Variants in MAPK4 observed in about 807,000 individuals in gnomAD.
MAPK4 encodes mitogen-activated protein kinase 4.
A neutral mutation model predicts 47.7 loss-of-function variants in MAPK4; 22 were observed. The ratio of observed to expected loss-of-function variants is 0.46; its 90% CI spans 0.33 to 0.66. The LOEUF is 0.66. Ranked by LOEUF, MAPK4 falls within the 30% of genes least tolerant of loss-of-function variation. The pLI is 0.02. For missense variants in MAPK4, 736 were observed against 831.7 expected, an observed-to-expected ratio of 0.88 and a Z score of 1.42; for synonymous variants, 390 against 365.7, an observed-to-expected ratio of 1.07 and a Z score of -0.76.
intron 1 of MAPK4, among the ~76,000 whole-genome samples, chr18:50,576,284 A>G (rs1975301): frequency 0.72 from 108,871 of 152,210 alleles, 39,053 homozygotes; most frequent in Middle Eastern, 0.79. Context: ...TGGTACATGT[A>G]CACCATGGAA....
At chr18:50,674,269 G>A (rs536183720) in intron 2 of MAPK4, among the ~76,000 whole-genome samples, 2 of 152,284 alleles carry the variant, frequency 1.3e-5, no homozygotes, top group East Asian at 1.9e-4. Context: ...GGTTTATATC[G>A]AAGAAGGATA....
Position 50,616,175 on chromosome 18 carries a change from G to C in MAPK4, c.-870-46914G>C, listed in dbSNP as rs539438764. ...AAGGGTCTGTGTAAATCTTCCTTTG[G>C]GGGGATAAAAGGGTGGGGCTTCTAA... On this transcript the variant is annotated intron_variant, in intron 1 of 5. Transcript: ENST00000400384. 9.1e-4 allele frequency among the ~76,000 whole-genome samples: 138 copies of C among 152,250 alleles called. 2 individuals carry two copies. The Middle Eastern group carries it at 0.01, about 11-fold the overall frequency.
At chr18:50,588,396 G>C (rs1221769947) in intron 1 of MAPK4, among the ~76,000 whole-genome samples, 1 of 152,178 alleles carries the variant, frequency 6.6e-6, no homozygotes, top group African/African-American at 2.4e-5. Flanking sequence ...ATCTTTCATA[G>C]AGACTGGCTT....
chr18:50,612,570 C>A (rs1421608482), intron 1 of MAPK4, among the ~76,000 whole-genome samples: 4 of 152,182 alleles, frequency 2.6e-5, no homozygotes, highest in Non-Finnish European at 5.9e-5. Context: ...GAGGGCTCAT[C>A]ATGGAAGGGA....
chr18:50,614,364 C>A (rs11082833), intron 1 of MAPK4, among the ~76,000 whole-genome samples: 1 of 151,672 alleles, frequency 6.6e-6, no homozygotes, highest in Non-Finnish European at 1.5e-5. Context: ...TAATGTTTTT[C>A]AAAAATTTTA....
intron 1 of MAPK4, among the ~76,000 whole-genome samples, chr18:50,595,532 C>T (rs893830461): frequency 3.3e-5 from 5 of 152,058 alleles, no homozygotes; most frequent in African/African-American, 2.4e-5. Flanking sequence ...TTGCCTTTGG[C>T]GAGGGTGGGT....
At chr18:50,684,813 T>G (rs1908781094) in intron 2 of MAPK4, among the ~76,000 whole-genome samples, 1 of 151,952 alleles carries the variant, frequency 6.6e-6, no homozygotes. Flanking sequence ...GGGAAGGCAC[T>G]GGGATGAATC....
chr18:50,627,661 C>T (rs1161563465), intron 1 of MAPK4, among the ~76,000 whole-genome samples: 1 of 152,222 alleles, frequency 6.6e-6, no homozygotes, highest in Admixed American at 6.5e-5. Flanking sequence ...AGGGCAGAGC[C>T]TATGTTACGA....
intron 2 of MAPK4, among the ~76,000 whole-genome samples, chr18:50,670,405 C>T (rs760908886): frequency 6.6e-6 from 1 of 152,166 alleles, no homozygotes; most frequent in East Asian, 1.9e-4. Context: ...CTTCTTTCTT[C>T]GTTCAAGATC....
chr18:50,640,702 G>T (rs2042933519), intron 1 of MAPK4, among the ~76,000 whole-genome samples: 1 of 152,166 alleles, frequency 6.6e-6, no homozygotes, highest in South Asian at 2.1e-4. Context: ...CTGACCTCAG[G>T]TGATCCACCC....
chr18:50,585,755 A>T (rs541810273), intron 1 of MAPK4, among the ~76,000 whole-genome samples: 1 of 152,318 alleles, frequency 6.6e-6, no homozygotes, highest in East Asian at 1.9e-4. Context: ...TAATTGACTT[A>T]CAGTTCCACA....
chr18:50,668,858 T>C (rs1011599844), intron 2 of MAPK4, among the ~76,000 whole-genome samples: 3 of 152,258 alleles, frequency 2.0e-5, no homozygotes, highest in Non-Finnish European at 4.4e-5. Flanking sequence ...TTTGACTCCA[T>C]GTCCACTGTT....
At chr18:50,684,494 C>T (rs989267338) in intron 2 of MAPK4, among the ~76,000 whole-genome samples, 50 of 150,912 alleles carry the variant, frequency 3.3e-4, no homozygotes, top group African/African-American at 1.0e-3. Context: ...TACAGTGAGC[C>T]GTAATCAAGC....
intron 5 of MAPK4, among the ~76,000 whole-genome samples, chr18:50,727,175 G>T (rs1911247209): frequency 6.6e-6 from 1 of 152,200 alleles, no homozygotes; most frequent in Non-Finnish European, 1.5e-5. Context: ...GACGTTCTTA[G>T]ATCAGGCAGC....
At chr18:50,680,280 C>T (rs1202885042) in intron 2 of MAPK4, among the ~76,000 whole-genome samples, 5 of 151,686 alleles carry the variant, frequency 3.3e-5, no homozygotes, top group Admixed American at 1.3e-4. Context: ...TTGGTAGAGA[C>T]AGGGTTTCAC....
chr18:50,635,525 A>G (rs545960902), intron 1 of MAPK4, among the ~76,000 whole-genome samples: 1 of 152,316 alleles, frequency 6.6e-6, no homozygotes, highest in Admixed American at 6.5e-5. Flanking sequence ...GCGTAGTCCA[A>G]CCAATCCATT....
chr18:50,561,972 T>G (rs959406243), intron 1 of MAPK4, among the ~76,000 whole-genome samples: 4 of 152,132 alleles, frequency 2.6e-5, no homozygotes, highest in Non-Finnish European at 5.9e-5. Context: ...GACACCTCCC[T>G]TTTAATGCTA....
intron 1 of MAPK4, among the ~76,000 whole-genome samples, chr18:50,564,070 G>C (rs1306249929): frequency 1.3e-5 from 2 of 152,174 alleles, no homozygotes; most frequent in Non-Finnish European, 2.9e-5. Context: ...GTCTTGGCAA[G>C]GGTCCTTGCA....
intron 1 of MAPK4, among the ~76,000 whole-genome samples, chr18:50,589,854 C>A (rs762819824): frequency 1.6e-4 from 24 of 152,336 alleles, no homozygotes; most frequent in Middle Eastern, 3.4e-3. Context: ...AAATTCACAG[C>A]TGGAGCTTCC....
Sources: allele counts gnomAD v4.1 joint callset (sites outside exome capture counted in the v4.1 genomes callset), GRCh38; gene constraint gnomAD v4.1.1; transcripts MANE v1.5; gene names NCBI Gene and HGNC (gene_info 2026-07-23, HGNC 2026-07-21).